The following SEM1 variants were observed in gnomAD, a reference collection of about 807,000 sequenced individuals.
SEM1 encodes the protein 26S proteasome complex subunit SEM1.
A neutral mutation model predicts 12.7 loss-of-function variants in SEM1; 3 were observed. The observed-to-expected ratio is 0.24, with a 90% CI of 0.11 to 0.61. SEM1 has a LOEUF of 0.61. SEM1 is among the 20% of genes least tolerant of loss of function. The pLI is 0.88. For synonymous variants in SEM1, 30 were observed against 27.8 expected (o/e 1.08, Z -0.25); for missense variants, 59 against 81.3 (o/e 0.73, Z 1.06).
At chr7:96,598,701 T>G (rs1807084967) in intron 2 of SEM1, among the ~76,000 whole-genome samples, 1 of 152,184 alleles carries the variant, frequency 6.6e-6, no homozygotes, top group Non-Finnish European at 1.5e-5. Context: ...TGGAAAGATC[T>G]GAAGAGTGTA....
chr7:96,709,572 C>G, intron 1 of SEM1, 116 bp downstream of exon 1: 1 of 941,364 alleles, frequency 1.1e-6, no homozygotes. Flanking sequence ...AGTGCCGGCC[C>G]TGGGAGTCCA....
At chr7:96,498,101 C>T (rs1052766581), upstream of SEM1, among the ~76,000 whole-genome samples, 3 of 152,266 alleles carry the variant, frequency 2.0e-5, no homozygotes, top group Admixed American at 6.5e-5. Flanking sequence ...TAACTACAGC[C>T]TTTCTCCTAT....
chr7:96,589,455 G>T (rs1480635648), intron 2 of SEM1, among the ~76,000 whole-genome samples: 1 of 152,078 alleles, frequency 6.6e-6, no homozygotes, highest in Non-Finnish European at 1.5e-5. Context: ...ATACCCCCGA[G>T]GCTGAAGTGA....
intron 1 of SEM1, among the ~76,000 whole-genome samples, chr7:96,489,604 A>T (rs997816972): frequency 6.6e-6 from 1 of 152,186 alleles, no homozygotes; most frequent in African/African-American, 2.4e-5. Flanking sequence ...GTAACAAATT[A>T]CCTCAAACTG....
intron 1 of SEM1, among the ~76,000 whole-genome samples, chr7:96,487,640 C>T (rs778375479): frequency 8.0e-5 from 12 of 149,866 alleles, no homozygotes; most frequent in Admixed American, 1.3e-4. Flanking sequence ...GAACTAAATC[C>T]CAAAACTAGA....
intron 2 of SEM1, among the ~76,000 whole-genome samples, chr7:96,568,299 C>T (rs931034430): frequency 1.3e-4 from 19 of 151,744 alleles, no homozygotes; most frequent in African/African-American, 4.6e-4. Context: ...TTTTAAATAT[C>T]TGCACTAAGG....
downstream of SEM1, among the ~76,000 whole-genome samples, chr7:96,687,683 A>G (rs1054348287): frequency 1.3e-5 from 2 of 152,122 alleles, no homozygotes; most frequent in Admixed American, 6.5e-5. Context: ...ACCTAATGCT[A>G]AATGACGAGT....
intron 2 of SEM1, among the ~76,000 whole-genome samples, chr7:96,607,800 G>T (rs528835726): frequency 6.6e-6 from 1 of 152,184 alleles, no homozygotes; most frequent in East Asian, 1.9e-4. Context: ...TTTTACTTTG[G>T]GCTTAGTTTC....
chr7:96,685,967 G>C (rs1349151063), downstream of SEM1, among the ~76,000 whole-genome samples: 1 of 151,964 alleles, frequency 6.6e-6, no homozygotes, highest in African/African-American at 2.4e-5. Flanking sequence ...AGTAACATCA[G>C]AACTCATGCA....
intron 2 of SEM1, chr7:96,656,530 C>A (rs1414974386): frequency 6.6e-6 from 1 of 151,384 alleles, no homozygotes; most frequent in Non-Finnish European, 1.5e-5. Flanking sequence ...TGCACTTAAG[C>A]AACTTCCATG....
intron 2 of SEM1, among the ~76,000 whole-genome samples, chr7:96,598,041 T>G (rs1807061214): frequency 6.6e-6 from 1 of 152,178 alleles, no homozygotes; most frequent in South Asian, 2.1e-4. Context: ...AGCTGCATAA[T>G]TTCTTGTTTT....
chr7:96,631,858 G>GA (rs1302581852), intron 2 of SEM1, among the ~76,000 whole-genome samples: 11 of 151,878 alleles, frequency 7.2e-5, no homozygotes, highest in Non-Finnish European at 1.6e-4. Flanking sequence ...AAATTTACAA[G>GA]AAAAAAACAA....
downstream of SEM1, among the ~76,000 whole-genome samples, chr7:96,684,741 TCAAGTTAATTTTAA>T (rs1199577952): frequency 6.6e-6 from 1 of 152,086 alleles, no homozygotes; most frequent in Non-Finnish European, 1.5e-5. Context: ...TCTCTTCTCA[TCAAGTTAATTTTAA>T]CTCAGACATG....
intron 2 of SEM1, among the ~76,000 whole-genome samples, chr7:96,527,449 G>A (rs1023168547): frequency 2.7e-4 from 41 of 152,116 alleles, no homozygotes; most frequent in African/African-American, 9.6e-4. Flanking sequence ...CGAGGGCCCA[G>A]GCTTGGGGAA....
At chr7:96,551,729 G>A (rs139067423) in intron 2 of SEM1, among the ~76,000 whole-genome samples, 62 of 141,736 alleles carry the variant, frequency 4.4e-4, no homozygotes, top group East Asian at 1.5e-3. Context: ...AAAAAGAAAA[G>A]AAAAAAAAGA....
At chr7:96,497,425 A>G (rs1299807199), upstream of SEM1, among the ~76,000 whole-genome samples, 2 of 152,164 alleles carry the variant, frequency 1.3e-5, no homozygotes, top group Non-Finnish European at 2.9e-5. Flanking sequence ...CAGAAGTGGA[A>G]AAACAAGAAG....
At chr7:96,590,568 G>A (rs889119191) in intron 2 of SEM1, among the ~76,000 whole-genome samples, 7 of 152,188 alleles carry the variant, frequency 4.6e-5, no homozygotes, top group Admixed American at 4.6e-4. Context: ...TTGTAATTGG[G>A]TCATGAAAGA....
chr7:96,542,003 T>A (rs1375700773), intron 2 of SEM1, among the ~76,000 whole-genome samples: 1 of 148,432 alleles, frequency 6.7e-6, no homozygotes, highest in East Asian at 2.0e-4. Context: ...GGCCTTATAG[T>A]GTAGCTTGAA....
At chr7:96,563,417 G>A (rs1805751919) in intron 2 of SEM1, among the ~76,000 whole-genome samples, 1 of 152,064 alleles carries the variant, frequency 6.6e-6, no homozygotes, top group Admixed American at 6.6e-5. Context: ...TATTATGACT[G>A]CCAGGCAGCA....
Sources: gnomAD v4.1 joint callset for allele counts (sites outside exome capture counted in the v4.1 genomes callset) on GRCh38, gnomAD v4.1.1 for gene constraint, MANE v1.5 for transcripts, NCBI Gene and HGNC (gene_info 2026-07-23, HGNC 2026-07-21) for gene names.